BCL2L1: variants seen among roughly 807,000 people sequenced by gnomAD.
The protein encoded by BCL2L1 is bcl-2-like protein 1.
In BCL2L1, 1 loss-of-function variant was observed where a neutral mutation model predicts 18.7. The observed-to-expected ratio is 0.05, with a 90% CI of 0.02 to 0.25. The LOEUF is 0.25. Ranked by LOEUF, BCL2L1 falls within the 10% of genes least tolerant of loss-of-function variation. The pLI, the probability that BCL2L1 is intolerant of heterozygous loss-of-function variation, is 1.00. For missense variants in BCL2L1, 207 were observed against 304.9 expected (o/e 0.68, Z 2.39); for synonymous variants, 103 against 122.7 (o/e 0.84, Z 1.06).
intron 2 of BCL2L1, among the ~76,000 whole-genome samples, chr20:31,703,493 G>GC (rs1235808663): frequency 5.2e-5 from 7 of 133,802 alleles, no homozygotes; most frequent in Non-Finnish European, 9.8e-5. Flanking sequence ...CTTGGTGGTT[G>GC]TTTTTTTTTT....
At chr20:31,672,479 G>C (rs2060686158) in intron 2 of BCL2L1, among the ~76,000 whole-genome samples, 1 of 150,052 alleles carries the variant, frequency 6.7e-6, no homozygotes, top group South Asian at 2.1e-4. Flanking sequence ...AAAAAAAAAA[G>C]CCTGTTTTAG....
intron 2 of BCL2L1, among the ~76,000 whole-genome samples, chr20:31,683,559 A>G (rs532303344): frequency 6.6e-6 from 1 of 152,264 alleles, no homozygotes; most frequent in Non-Finnish European, 1.5e-5. Context: ...ACCTGAGATC[A>G]GGAGTTCAAG....
chr20:31,708,742 G>A (rs1005593338), intron 2 of BCL2L1, among the ~76,000 whole-genome samples: 17 of 152,228 alleles, frequency 1.1e-4, no homozygotes, highest in Admixed American at 4.6e-4. Context: ...AGAAGGAGCT[G>A]TGGGGCAGGG....
At position 31,722,344 on chromosome 20, in the gene BCL2L1, AAG is replaced by A; in HGVS notation, c.-128_-127del. 1 of 692,192 alleles carries A rather than the reference AAG, an allele frequency of 1.4e-6. No individual in the cohort carries two copies. Among genetic ancestry groups the A allele is most frequent in the East Asian group, 3.0e-5 (1 of 33,060 alleles). 42.9% of individuals were successfully genotyped at this position (692,192 alleles called of 1,614,324 possible). A position where few individuals can be genotyped will look rare whatever the true frequency, so the allele number is the denominator to read the frequency against. On this transcript the variant is annotated splice_region_variant and 5_prime_UTR_variant, in exon 2 of 3. Coordinates refer to ENST00000307677, the MANE Select transcript of BCL2L1 (RefSeq NM_138578.3). ...CAAGATAAGATTCTGAAGGGAGAGAAAGAGCTTCAGGAAAAAAAAATAATTAA... is the reference window on the plus strand; with the variant it reads ...CAAGATAAGATTCTGAAGGGAGAGAAAGCTTCAGGAAAAAAAAATAATTAA...
At chr20:31,687,819 C>A (rs1424317986) in intron 2 of BCL2L1, among the ~76,000 whole-genome samples, 2 of 152,142 alleles carry the variant, frequency 1.3e-5, no homozygotes, top group Non-Finnish European at 2.9e-5. Flanking sequence ...GCCAGTTACC[C>A]TCTCTGAGCC....
chr20:31,709,789 C>T (rs1166267955), intron 2 of BCL2L1, among the ~76,000 whole-genome samples: 6 of 141,576 alleles, frequency 4.2e-5, no homozygotes, highest in African/African-American at 1.0e-4. Context: ...GAGCCGAGAT[C>T]GTGCCACTGC....
chr20:31,697,445 T>C (rs1406546613), intron 2 of BCL2L1, among the ~76,000 whole-genome samples: 1 of 151,266 alleles, frequency 6.6e-6, no homozygotes, highest in Admixed American at 6.6e-5. Context: ...TGACTTTCTT[T>C]TTTTTTTTTT....
At chr20:31,723,435 G>A (rs1275983736), upstream of BCL2L1, 1 of 985,270 alleles carries the variant, frequency 1.0e-6, no homozygotes, top group East Asian at 1.1e-4. Context: ...TGGCTTTCTG[G>A]CGCCCCCGGG....
At chr20:31,679,889 C>G (rs2060829414) in intron 2 of BCL2L1, among the ~76,000 whole-genome samples, 1 of 152,116 alleles carries the variant, frequency 6.6e-6, no homozygotes, top group Non-Finnish European at 1.5e-5. Context: ...CTATGTTGGC[C>G]AGGCTGGTCT....
chr20:31,700,414 A>G (rs1288394463), intron 2 of BCL2L1, among the ~76,000 whole-genome samples: 1 of 152,118 alleles, frequency 6.6e-6, no homozygotes, highest in Non-Finnish European at 1.5e-5. Context: ...CGACCTATCT[A>G]TTGGGATACC....
At chr20:31,687,676 CAA>C (rs60094670) in intron 2 of BCL2L1, among the ~76,000 whole-genome samples, 63 of 81,486 alleles carry the variant, frequency 7.7e-4, no homozygotes, top group African/African-American at 1.1e-3. Context: ...GACTCTGTCT[CAA>C]AAAAAAAAAA....
intron 2 of BCL2L1, among the ~76,000 whole-genome samples, chr20:31,719,041 T>C (rs2122844693): frequency 6.6e-6 from 1 of 152,338 alleles, no homozygotes; most frequent in East Asian, 1.9e-4. Context: ...GTCAGTCACT[T>C]AGGCACAAAG....
At chr20:31,723,821 C>T (rs1381983284), upstream of BCL2L1, 2 of 985,342 alleles carry the variant, frequency 2.0e-6, no homozygotes, top group Non-Finnish European at 2.4e-6. Flanking sequence ...CGGCCGAGTT[C>T]CGCGCCGCGG....
chr20:31,720,254 G>A (rs2061601351), intron 2 of BCL2L1: 1 of 704,694 alleles, frequency 1.4e-6, no homozygotes, highest in Non-Finnish European at 1.7e-6. Context: ...GCAAACTCAG[G>A]AGGTCTCTTG....
At chr20:31,719,121 T>C (rs1456498492) in intron 2 of BCL2L1, among the ~76,000 whole-genome samples, 1 of 152,206 alleles carries the variant, frequency 6.6e-6, no homozygotes, top group Non-Finnish European at 1.5e-5. Context: ...TGAAACAGCA[T>C]GCCGTTTCCA....
chr20:31,703,169 C>T (rs1259913075), intron 2 of BCL2L1, among the ~76,000 whole-genome samples: 1 of 151,466 alleles, frequency 6.6e-6, no homozygotes, highest in African/African-American at 2.4e-5. Flanking sequence ...CTCAGCCTCC[C>T]AGGTAGCTGG....
chr20:31,665,667 C>T lies in BCL2L1; in HGVS notation c.*282G>A, dbSNP rs1051910841. On this transcript the variant is annotated 3_prime_UTR_variant, in exon 3 of 3. Transcript: ENST00000307677. ...CACCAATCAGGTAGGGCCCTCCTGC[C>T]CCCAGCCACAAACCCTTCCATACCT... is the stretch of plus-strand genomic sequence containing the variant. 5 of 484,486 alleles carry T rather than the reference C, an allele frequency of 1.0e-5. No homozygotes were observed. Among genetic ancestry groups the T allele is most frequent in the African/African-American group, 7.8e-5 (4 of 51,014 alleles). The allele number at this position is 484,486 out of a possible 1,614,324, so 30.0% of individuals were successfully genotyped here.
chr20:31,672,497 A>G (rs1448948269), intron 2 of BCL2L1, among the ~76,000 whole-genome samples: 7 of 150,624 alleles, frequency 4.6e-5, no homozygotes, highest in Admixed American at 4.0e-4. Context: ...TAGCAGAGGT[A>G]ATAAGTGCAA....
At chr20:31,666,229 C>T in intron 2 of BCL2L1, 143 bp from the exon 3 acceptor site, 1 of 1,002,666 alleles carries the variant, frequency 1.0e-6, no homozygotes, top group Middle Eastern at 2.8e-4. Context: ...AGGTAAAGGG[C>T]TAAGGGTGGT....
Sources: allele counts gnomAD v4.1 joint callset (sites outside exome capture counted in the v4.1 genomes callset), GRCh38; gene constraint gnomAD v4.1.1; transcripts MANE v1.5; gene names NCBI Gene and HGNC (gene_info 2026-07-23, HGNC 2026-07-21).